Variants in TDRD3 observed in about 807,000 individuals in gnomAD.
The protein encoded by TDRD3 is tudor domain-containing protein 3.
A neutral mutation model predicts 86.7 loss-of-function variants in TDRD3; 45 were observed. The observed-to-expected ratio is 0.52, with a 90% CI of 0.41 to 0.67. The LOEUF is 0.67. Among genes scored for constraint, TDRD3 ranks in the 30% least tolerant of loss-of-function variants. The pLI is 0.00. For synonymous variants in TDRD3, 298 were observed against 301.7 expected (o/e 0.99, Z 0.13); for missense variants, 814 against 889.0 (o/e 0.92, Z 1.07).
At chr13:60,501,622 A>G (rs765844505) in intron 8 of TDRD3, among the ~76,000 whole-genome samples, 3 of 152,202 alleles carry the variant, frequency 2.0e-5, no homozygotes, top group Non-Finnish European at 4.4e-5. Context: ...TTAAACAACC[A>G]AAGATTCTTT....
At position 60,444,105 on chromosome 13, in the gene TDRD3, A is replaced by C. The variant is rs1388534714; in HGVS notation, c.127-578A>C. Among the ~76,000 whole-genome samples the C allele has an allele frequency of 2.0e-5, 3 of 152,020 alleles. No homozygotes were observed. The East Asian group carries it at 5.8e-4, about 29-fold the overall frequency. ...GTTACAGGTACTTCTGCATTTTCAT[A>C]GTTATTTGTTTACCACCTTCTATTT... On this transcript the variant is annotated intron_variant, in intron 2 of 13. Coordinates refer to ENST00000377881, the MANE Select transcript of TDRD3 (RefSeq NM_001146070.2).
At chr13:60,399,529 A>G (rs1954037549) in intron 1 of TDRD3, among the ~76,000 whole-genome samples, 1 of 152,160 alleles carries the variant, frequency 6.6e-6, no homozygotes, top group Non-Finnish European at 1.5e-5. Context: ...TTAATTGGGG[A>G]CTTACTATGT....
At chr13:60,501,285 G>T (rs1473615951) in intron 8 of TDRD3, among the ~76,000 whole-genome samples, 1 of 152,166 alleles carries the variant, frequency 6.6e-6, no homozygotes, top group African/African-American at 2.4e-5. Flanking sequence ...GGGAACAACA[G>T]CTAGGGCTCC....
chr13:60,417,020 T>TC (rs1023375722), intron 1 of TDRD3, among the ~76,000 whole-genome samples: 8 of 126,834 alleles, frequency 6.3e-5, no homozygotes, highest in South Asian at 5.8e-4. Context: ...TCTCTCTCTC[T>TC]TTTTTTTTTT....
chr13:60,530,252 T>C (rs1957549771), intron 11 of TDRD3, among the ~76,000 whole-genome samples: 1 of 152,130 alleles, frequency 6.6e-6, no homozygotes, highest in Non-Finnish European at 1.5e-5. Flanking sequence ...TCTTTCACAG[T>C]ATAGGGACTT....
intron 1 of TDRD3, among the ~76,000 whole-genome samples, chr13:60,400,914 C>CA (rs1329108414): frequency 2.6e-5 from 4 of 151,986 alleles, no homozygotes; most frequent in Non-Finnish European, 5.9e-5. Flanking sequence ...TCATTTCCAC[C>CA]AAAAATTAAC....
chr13:60,436,051 A>T (rs1246295285), intron 1 of TDRD3, among the ~76,000 whole-genome samples: 1 of 146,322 alleles, frequency 6.8e-6, no homozygotes, highest in African/African-American at 2.5e-5. Context: ...GGCTGTTTTT[A>T]TATATCTTCT....
At chr13:60,467,460 A>G in intron 5 of TDRD3, 81 bp downstream of exon 5, 1 of 1,499,848 alleles carries the variant, frequency 6.7e-7, no homozygotes, top group Non-Finnish European at 9.1e-7. Flanking sequence ...ATAATGAGTA[A>G]AATTAGTTCT....
intron 3 of TDRD3, among the ~76,000 whole-genome samples, chr13:60,456,607 G>A (rs183853499): frequency 6.0e-4 from 89 of 147,470 alleles, no homozygotes; most frequent in African/African-American, 2.1e-3. Flanking sequence ...ATTTGAAATT[G>A]GTATTTTTTT....
At chr13:60,440,759 AAT>A in intron 2 of TDRD3, among the ~76,000 whole-genome samples, 1 of 152,290 alleles carries the variant, frequency 6.6e-6, no homozygotes, top group South Asian at 2.1e-4. Flanking sequence ...GTAGCTTTAT[AAT>A]AAGCTATAAA....
Position 60,397,265 on chromosome 13 carries a change from T to C in TDRD3, c.-100T>C. 1 of 709,038 alleles carries C rather than the reference T, an allele frequency of 1.4e-6. No individual in the cohort carries two copies. The highest frequency in any genetic ancestry group is 2.1e-6 in the Non-Finnish European group (1 of 483,378). 43.9% of individuals were successfully genotyped at this position (709,038 alleles called of 1,614,324 possible). ...GAGCCGACCAGAGGAGTTTTTTCTT[T>C]TCTTTTCTTTTTTTTTTTTTAAGGG... On this transcript the variant is annotated 5_prime_UTR_variant, in exon 1 of 14. Transcript: ENST00000377881.
chr13:60,509,609 C>A, intron 8 of TDRD3, 154 bp from the exon 9 acceptor site: 1 of 943,134 alleles, frequency 1.1e-6, no homozygotes. Flanking sequence ...TTCCTTGCCT[C>A]TTGTAAAAAA....
At chr13:60,446,630 TTAAA>T (rs1955405624) in intron 3 of TDRD3, among the ~76,000 whole-genome samples, 1 of 152,200 alleles carries the variant, frequency 6.6e-6, no homozygotes, top group Admixed American at 6.5e-5. Context: ...GAAAAATAAT[TTAAA>T]TAAACATTTT....
At chr13:60,420,443 A>G (rs553844587) in intron 1 of TDRD3, among the ~76,000 whole-genome samples, 4 of 151,960 alleles carry the variant, frequency 2.6e-5, no homozygotes, top group South Asian at 4.2e-4. Flanking sequence ...GCCTACTTCA[A>G]GTTTGTGAAG....
At chr13:60,474,656 T>C (rs1956146332) in intron 5 of TDRD3, among the ~76,000 whole-genome samples, 1 of 152,246 alleles carries the variant, frequency 6.6e-6, no homozygotes, top group African/African-American at 2.4e-5. Context: ...TATGCTGGTT[T>C]TGTTATATAC....
intron 11 of TDRD3, among the ~76,000 whole-genome samples, chr13:60,530,984 C>T (rs1957570481): frequency 6.6e-6 from 1 of 151,928 alleles, no homozygotes; most frequent in African/African-American, 2.4e-5. Context: ...TTAGATGTTG[C>T]CTGATGATAG....
intron 5 of TDRD3, among the ~76,000 whole-genome samples, chr13:60,477,623 A>G: frequency 6.6e-6 from 1 of 152,296 alleles, no homozygotes; most frequent in South Asian, 2.1e-4. Context: ...GCATCTATTA[A>G]GATGATTATG....
intron 12 of TDRD3, among the ~76,000 whole-genome samples, chr13:60,559,765 G>T (rs184105056): frequency 6.6e-6 from 1 of 152,248 alleles, no homozygotes; most frequent in Non-Finnish European, 1.5e-5. Context: ...GTTGGTCAAA[G>T]GTTACGAAGT....
intron 7 of TDRD3, among the ~76,000 whole-genome samples, chr13:60,489,797 TA>T (rs1956540184): frequency 6.6e-6 from 1 of 152,162 alleles, no homozygotes; most frequent in Non-Finnish European, 1.5e-5. Flanking sequence ...GAAATATATT[TA>T]TTTTTTTCCA....
Sources: allele counts gnomAD v4.1 joint callset (sites outside exome capture counted in the v4.1 genomes callset), GRCh38; gene constraint gnomAD v4.1.1; transcripts MANE v1.5; gene names NCBI Gene and HGNC (gene_info 2026-07-23, HGNC 2026-07-21).